The following CRTAC1 variants were observed in gnomAD, a reference collection of about 807,000 sequenced individuals.
The protein encoded by CRTAC1 is acidic secreted protein in cartilage.
CRTAC1 carries 37 observed loss-of-function variants against 67.8 expected under a neutral mutation model. The observed-to-expected ratio is 0.55, with a 90% CI of 0.42 to 0.72. The LOEUF (loss-of-function observed/expected upper bound fraction) is 0.72, where lower values mean the gene tolerates loss of function less well. CRTAC1 is among the 30% of genes least tolerant of loss of function. The probability of loss-of-function intolerance (pLI) is 0.00; values close to 1 mark genes in which losing one functional copy is unlikely to be tolerated. For synonymous variants in CRTAC1, 348 were observed against 371.0 expected, an observed-to-expected ratio of 0.94 and a Z score of 0.71; for missense variants, 780 against 931.6, an observed-to-expected ratio of 0.84 and a Z score of 2.12.
At chr10:97,989,861 T>G (rs1842405982) in intron 2 of CRTAC1, among the ~76,000 whole-genome samples, 1 of 152,194 alleles carries the variant, frequency 6.6e-6, no homozygotes, top group Non-Finnish European at 1.5e-5. Context: ...ATTGCGTGAC[T>G]CCATCATTTC....
In CRTAC1 at chr10:97,885,771, T is replaced by C. The variant is rs2050274484; in HGVS notation, c.1487-1420A>G. Among the ~76,000 whole-genome samples the C allele has an allele frequency of 2.0e-5, 3 of 152,288 alleles. No homozygotes were observed. The South Asian group carries it at 6.2e-4, about 32-fold the overall frequency. On this transcript the variant is annotated intron_variant, in intron 11 of 14. Transcript: ENST00000370597. Reference sequence around the variant, plus strand: ...AGCCCACTCTATCACCCATCAGGGCTGAGCAGATGTGGGGACACGGGGTCC... The same window carrying C: ...AGCCCACTCTATCACCCATCAGGGCCGAGCAGATGTGGGGACACGGGGTCC...
At position 97,880,282 on chromosome 10, in the gene CRTAC1, A is replaced by G; in HGVS notation, c.1786T>C (p.Tyr596His). Residue 596 changes from tyrosine to histidine, a missense_variant, in exon 14 of 15, where the codon TAC (tyrosine) becomes CAC (histidine). Transcript: ENST00000370597. Reference protein sequence around the residue: ...CRTNKKCSRGYEPNEDGTACV... With the variant: ...CRTNKKCSRGHEPNEDGTACV... ...GCTGTGCCATCCTCGTTGGGCTCGTAGCCCCGACTGCACTTCTTGTTGGTC... is the reference window on the plus strand; with the variant it reads ...GCTGTGCCATCCTCGTTGGGCTCGTGGCCCCGACTGCACTTCTTGTTGGTC... 1 of 1,614,210 alleles carries G rather than the reference A, an allele frequency of 6.2e-7. No homozygotes were observed. The highest frequency in any genetic ancestry group is 1.1e-5 in the South Asian group (1 of 91,084).
chr10:97,879,923 G>A, intron 14 of CRTAC1: 3 of 908,420 alleles, frequency 3.3e-6, no homozygotes, highest in Non-Finnish European at 5.0e-6. Context: ...TTCAGCCAAA[G>A]ATGAGTAGTA....
At chr10:97,987,301 T>C (rs1019517847) in intron 2 of CRTAC1, among the ~76,000 whole-genome samples, 5 of 152,218 alleles carry the variant, frequency 3.3e-5, no homozygotes, top group African/African-American at 1.2e-4. Context: ...TTTACTCATC[T>C]GTATTCCTTT....
intron 2 of CRTAC1, among the ~76,000 whole-genome samples, chr10:97,957,857 G>A (rs542190821): frequency 2.6e-5 from 4 of 152,208 alleles, no homozygotes; most frequent in South Asian, 4.2e-4. Flanking sequence ...GGTGGGTGAG[G>A]GGCTTGGAAA....
At chr10:97,916,594 C>T (rs1349908523) in intron 5 of CRTAC1, among the ~76,000 whole-genome samples, 1 of 152,200 alleles carries the variant, frequency 6.6e-6, no homozygotes, top group African/African-American at 2.4e-5. Context: ...CTCAACCATC[C>T]TTCCAGCCCC....
At chr10:97,966,357 C>T (rs1278353483) in intron 2 of CRTAC1, among the ~76,000 whole-genome samples, 1 of 152,222 alleles carries the variant, frequency 6.6e-6, no homozygotes, top group Non-Finnish European at 1.5e-5. Context: ...TGGTCTGCCC[C>T]CCTCAGCCTC....
rs537908037 is a variant in CRTAC1, at chr10:97,964,200, G to C, written c.225-27834C>G. ...AGTGCATTACGCTGGGTGGCTTGTC[G>C]GGGCCTAAAAGCCCTAAGATGAGTA... is the stretch of plus-strand genomic sequence containing the variant. On this transcript the variant is annotated intron_variant, in intron 2 of 14. Coordinates refer to ENST00000370597, the MANE Select transcript of CRTAC1 (RefSeq NM_018058.7). Among the ~76,000 whole-genome samples, 4 of 152,244 alleles carry C rather than the reference G, an allele frequency of 2.6e-5. No individual in the cohort carries two copies. In the East Asian group the frequency reaches 5.8e-4, roughly 22 times the overall value.
chr10:98,004,547 C>T (rs1464017337), intron 2 of CRTAC1, among the ~76,000 whole-genome samples: 1 of 152,006 alleles, frequency 6.6e-6, no homozygotes, highest in Non-Finnish European at 1.5e-5. Context: ...TATCCCTGAC[C>T]CTGCAGTTCC....
chr10:97,979,278 A>G (rs2051855012), intron 2 of CRTAC1, among the ~76,000 whole-genome samples: 1 of 152,166 alleles, frequency 6.6e-6, no homozygotes, highest in Admixed American at 6.5e-5. Flanking sequence ...CCCACTCTGG[A>G]CATGCTCAGT....
At chr10:97,989,469 G>A (rs1842394225) in intron 2 of CRTAC1, among the ~76,000 whole-genome samples, 1 of 152,116 alleles carries the variant, frequency 6.6e-6, no homozygotes, top group South Asian at 2.1e-4. Flanking sequence ...TTGATCCTAG[G>A]CTACAAACCT....
At chr10:97,952,080 T>G (rs1252021212) in intron 2 of CRTAC1, among the ~76,000 whole-genome samples, 1 of 152,150 alleles carries the variant, frequency 6.6e-6, no homozygotes, top group Non-Finnish European at 1.5e-5. Context: ...ACCCTGGGCT[T>G]GGTGGCCCAC....
At chr10:98,010,527 T>A (rs1842883982) in intron 2 of CRTAC1, among the ~76,000 whole-genome samples, 1 of 152,196 alleles carries the variant, frequency 6.6e-6, no homozygotes, top group African/African-American at 2.4e-5. Flanking sequence ...CCTTAGGGCA[T>A]GAACTCAGGC....
In CRTAC1 at chr10:97,987,522, G is replaced by T. The variant is rs78513506; in HGVS notation, c.224+23616C>A. ...GATGATTTAACCAGGGGATTCCAGGGCAACCAAGGAAGGGAAAGGGGTCTG... is the reference window on the plus strand; with the variant it reads ...GATGATTTAACCAGGGGATTCCAGGTCAACCAAGGAAGGGAAAGGGGTCTG... On this transcript the variant is annotated intron_variant, in intron 2 of 14. Coordinates refer to ENST00000370597, the MANE Select transcript of CRTAC1 (RefSeq NM_018058.7). Among the ~76,000 whole-genome samples the T allele has an allele frequency of 3.0e-3, 460 of 152,320 alleles. 3 individuals carry two copies. The highest frequency in any genetic ancestry group is 0.01 in the African/African-American group (420 of 41,564).
chr10:98,003,648 T>G (rs1842733878), intron 2 of CRTAC1, among the ~76,000 whole-genome samples: 1 of 152,244 alleles, frequency 6.6e-6, no homozygotes, highest in African/African-American at 2.4e-5. Flanking sequence ...GGTCTTTAAC[T>G]TAATCACTTC....
chr10:98,014,318 G>A (rs1265354837), intron 1 of CRTAC1, among the ~76,000 whole-genome samples: 1 of 152,144 alleles, frequency 6.6e-6, no homozygotes, highest in East Asian at 1.9e-4. Context: ...TTATTCCAAT[G>A]CGTGTTAAAA....
At chr10:98,011,052 A>G (rs1317904856) in intron 2 of CRTAC1, 86 bp downstream of exon 2, 1 of 1,157,378 alleles carries the variant, frequency 8.6e-7, no homozygotes, top group Non-Finnish European at 1.3e-6. Flanking sequence ...TGTTGTTGCA[A>G]GTCACTGGGG....
intron 11 of CRTAC1, among the ~76,000 whole-genome samples, chr10:97,889,273 C>A (rs1008957405): frequency 6.6e-6 from 1 of 151,982 alleles, no homozygotes; most frequent in Non-Finnish European, 1.5e-5. Context: ...CAGCCCGCTG[C>A]CAGCTGGGAA....
At chr10:97,983,089 G>A (rs955250265) in intron 2 of CRTAC1, among the ~76,000 whole-genome samples, 14 of 152,186 alleles carry the variant, frequency 9.2e-5, no homozygotes, top group Admixed American at 2.6e-4. Context: ...CAATATTTTA[G>A]AGAATAAGCA....
Sources: gnomAD v4.1 joint callset for allele counts (sites outside exome capture counted in the v4.1 genomes callset) on GRCh38, gnomAD v4.1.1 for gene constraint, MANE v1.5 for transcripts, NCBI Gene and HGNC (gene_info 2026-07-23, HGNC 2026-07-21) for gene names.